The following CRACDL variants were observed in gnomAD, a reference collection of about 807,000 sequenced individuals.
CRACDL encodes CRACD like, also known as CRACD-like protein.
In CRACDL, 26 loss-of-function variants were observed where a neutral mutation model predicts 70.6. That is an observed-to-expected ratio of 0.37 (90% CI 0.27 to 0.51). CRACDL has a LOEUF of 0.51. Ranked by LOEUF, CRACDL falls within the 20% of genes least tolerant of loss-of-function variation. CRACDL has a pLI of 0.94. For synonymous variants in CRACDL, 618 were observed against 615.2 expected (o/e 1.00, Z -0.07); for missense variants, 1,283 against 1,376.9 (o/e 0.93, Z 1.08).
chr2:98,820,889 T>C (rs1031535411), intron 7 of CRACDL, among the ~76,000 whole-genome samples: 1 of 152,220 alleles, frequency 6.6e-6, no homozygotes, highest in African/African-American at 2.4e-5. Context: ...CAGGAGGAAA[T>C]TCTTTCTTGG....
At chr2:98,838,743 G>C (rs994147639) in intron 2 of CRACDL, among the ~76,000 whole-genome samples, 4 of 152,170 alleles carry the variant, frequency 2.6e-5, no homozygotes, top group African/African-American at 9.7e-5. Flanking sequence ...ATCAGAGGAG[G>C]CCCAACCTCA....
Position 98,823,020 on chromosome 2 carries a change from G to C in CRACDL, c.1253C>G (p.Pro418Arg). The change falls in exon 7 of 10, where the codon CCC becomes CGC. Residue 418 changes from proline to arginine, a missense_variant. This residue lies in a region of CRACDL where 921 missense variants were observed against 881.9 expected (regional missense o/e 1.04). Coordinates refer to ENST00000397899, the MANE Select transcript of CRACDL (RefSeq NM_207362.3). This position sits in a 1 kb window ranked among gnomAD's most constrained non-coding sequence, Gnocchi z 4.0. ...AGAGGGCGCCTCTGAGGTGGCGGCG[G>C]GGTCAGTCTCGGGGGGAGTCGTGTC... ...EGDTTPPETD[P>R]AATSEAPSAR... 6.6e-7 allele frequency: 1 copy of C among 1,523,022 alleles called. No individual in the cohort carries two copies. The highest frequency in any genetic ancestry group is 1.2e-5 in the South Asian group (1 of 82,586). 94.3% of individuals were successfully genotyped at this position (1,523,022 alleles called of 1,614,324 possible). A position where few individuals can be genotyped will look rare whatever the true frequency, so the allele number is the denominator to read the frequency against.
In CRACDL at chr2:98,823,209, G is replaced by T; in HGVS notation, c.1064C>A (p.Pro355Gln). The change falls in exon 7 of 10, where the codon CCG becomes CAG. Residue 355 changes from proline to glutamine, a missense_variant. Physicochemically the swap from Pro to Gln is moderately conservative, Grantham distance 76 (BLOSUM62 -1). Transcript: ENST00000397899. The surrounding 1 kb of genome is among the most constrained non-coding windows in gnomAD (Gnocchi z 4.0). ...ESAPTLRVEP[P>Q]SPPEGPPNPG... is the part of the protein sequence containing the mutation. ...ATTCGGGGGGCCCTCCGGCGGGGAC[G>T]GGGGCTCCACGCGGAGAGTGGGGGC... 1.4e-6 allele frequency: 2 copies of T among 1,427,796 alleles called. No homozygotes were observed. The highest frequency in any genetic ancestry group is 1.4e-5 in the South Asian group (1 of 69,416). 88.4% of individuals were successfully genotyped at this position (1,427,796 alleles called of 1,614,324 possible).
intron 2 of CRACDL, among the ~76,000 whole-genome samples, chr2:98,846,321 C>T (rs1706249988): frequency 6.6e-6 from 1 of 152,140 alleles, no homozygotes; most frequent in South Asian, 2.1e-4. Context: ...CAAAGGCTCT[C>T]TCCTGATGTA....
chr2:98,922,296 C>G (rs982777206), intron 1 of CRACDL, among the ~76,000 whole-genome samples: 2 of 151,690 alleles, frequency 1.3e-5, no homozygotes, highest in African/African-American at 4.8e-5. Flanking sequence ...ACCCATGCAC[C>G]GGGCATGGTG....
At chr2:98,841,628 C>T (rs1706030816) in intron 2 of CRACDL, among the ~76,000 whole-genome samples, 1 of 152,106 alleles carries the variant, frequency 6.6e-6, no homozygotes, top group Non-Finnish European at 1.5e-5. Flanking sequence ...CTTCCTTTGG[C>T]CTGAGGGTGC....
At chr2:98,836,453 C>T (rs529460953) in intron 3 of CRACDL, among the ~76,000 whole-genome samples, 8 of 152,344 alleles carry the variant, frequency 5.3e-5, no homozygotes, top group African/African-American at 1.9e-4. Flanking sequence ...TTACCAGTCA[C>T]TGAGGGCCAG....
intron 7 of CRACDL, among the ~76,000 whole-genome samples, chr2:98,813,045 C>T (rs1475016517): frequency 6.6e-6 from 1 of 152,092 alleles, no homozygotes; most frequent in Non-Finnish European, 1.5e-5. Flanking sequence ...TGATGTAAGA[C>T]TTAGGTCAAG....
intron 1 of CRACDL, among the ~76,000 whole-genome samples, chr2:98,855,739 A>G (rs1313917935): frequency 2.0e-5 from 3 of 152,228 alleles, no homozygotes; most frequent in African/African-American, 4.8e-5. Flanking sequence ...TTAAAGAGTT[A>G]AAAGAAGGGA....
chr2:98,919,415 G>A (rs1258500924), intron 1 of CRACDL, among the ~76,000 whole-genome samples: 1 of 152,126 alleles, frequency 6.6e-6, no homozygotes, highest in East Asian at 1.9e-4. Context: ...ACAATGAGTT[G>A]TTCATATTCA....
At chr2:98,871,324 G>A (rs1410991752) in intron 1 of CRACDL, among the ~76,000 whole-genome samples, 1 of 152,232 alleles carries the variant, frequency 6.6e-6, no homozygotes, top group Non-Finnish European at 1.5e-5. Flanking sequence ...CATTCAGAGG[G>A]AAGGAAATGA....
chr2:98,894,758 C>T (rs1355647763), intron 1 of CRACDL, among the ~76,000 whole-genome samples: 1 of 152,108 alleles, frequency 6.6e-6, no homozygotes, highest in Non-Finnish European at 1.5e-5. Flanking sequence ...TCTCCCTAAG[C>T]AGAATGTAAG....
chr2:98,837,421 G>A (rs1184639772), intron 3 of CRACDL, among the ~76,000 whole-genome samples: 2 of 151,410 alleles, frequency 1.3e-5, no homozygotes, highest in Non-Finnish European at 2.9e-5. Flanking sequence ...TATGTTCTCT[G>A]AAGAGTTCTA....
intron 1 of CRACDL, among the ~76,000 whole-genome samples, chr2:98,852,877 G>C (rs965519196): frequency 1.3e-5 from 2 of 150,878 alleles, no homozygotes; most frequent in Non-Finnish European, 3.0e-5. Context: ...ATTTAATTGA[G>C]TCCCAGAAAC....
chr2:98,864,860 T>A (rs906082952), intron 1 of CRACDL, among the ~76,000 whole-genome samples: 2 of 152,230 alleles, frequency 1.3e-5, no homozygotes, highest in Non-Finnish European at 2.9e-5. Context: ...TTATACATTT[T>A]AAACAGGTGA....
At position 98,874,824 on chromosome 2, in the gene CRACDL, G is replaced by A. The variant is rs533718423; in HGVS notation, c.-10-28014C>T. Among the ~76,000 whole-genome samples, 7 of 152,264 alleles carry A rather than the reference G, an allele frequency of 4.6e-5. No individual in the cohort carries two copies. The South Asian group carries it at 1.0e-3, about 23-fold the overall frequency. ...TTTCTACAAAGAAAGTCCCATCCTCGTTACTGATCACTTCATGCTGTTTCC... is the reference window on the plus strand; with the variant it reads ...TTTCTACAAAGAAAGTCCCATCCTCATTACTGATCACTTCATGCTGTTTCC... On this transcript the variant is annotated intron_variant, in intron 1 of 9. Transcript: ENST00000397899.
At chr2:98,813,504 T>C (rs534881961) in intron 7 of CRACDL, among the ~76,000 whole-genome samples, 15 of 152,294 alleles carry the variant, frequency 9.8e-5, no homozygotes, top group African/African-American at 3.6e-4. Context: ...CAAATGGTCC[T>C]GAAGCATAGG....
intron 1 of CRACDL, 74 bp from the exon 2 acceptor site, chr2:98,846,884 G>T: frequency 8.0e-7 from 1 of 1,246,750 alleles, no homozygotes; most frequent in Non-Finnish European, 1.2e-6. Flanking sequence ...TGGTGTTCGT[G>T]ACTGCATTTG....
At chr2:98,847,479 T>G (rs1169930859) in intron 1 of CRACDL, among the ~76,000 whole-genome samples, 4 of 152,218 alleles carry the variant, frequency 2.6e-5, no homozygotes, top group African/African-American at 9.6e-5. Flanking sequence ...CTAATCTTGC[T>G]TCATCTTTAC....
Sources: gnomAD v4.1 joint callset for allele counts (sites outside exome capture counted in the v4.1 genomes callset) on GRCh38, gnomAD v4.1.1 for gene constraint, gnomAD v4.1.1 regional missense constraint, Gnocchi (gnomAD v3.1) non-coding constraint, MANE v1.5 for transcripts, NCBI Gene and HGNC (gene_info 2026-07-23, HGNC 2026-07-21) for gene names.